Variants in DLG2 observed in about 807,000 individuals in gnomAD.
DLG2 encodes the protein disks large homolog 2.
DLG2 carries 45 observed loss-of-function variants against 132.5 expected under a neutral mutation model. That is an observed-to-expected ratio of 0.34 (90% CI 0.27 to 0.44). The LOEUF (loss-of-function observed/expected upper bound fraction) is 0.44, where lower values mean the gene tolerates loss of function less well. Among genes scored for constraint, DLG2 ranks in the 20% least tolerant of loss-of-function variants. The pLI, the probability that DLG2 is intolerant of heterozygous loss-of-function variation, is 1.00. For missense variants in DLG2, 1,045 were observed against 1,196.9 expected (o/e 0.87, Z 1.87); for synonymous variants, 424 against 419.6 (o/e 1.01, Z -0.13).
chr11:84,297,748 C>A (rs2098110673), intron 7 of DLG2, among the ~76,000 whole-genome samples: 1 of 152,056 alleles, frequency 6.6e-6, no homozygotes, highest in African/African-American at 2.4e-5. Flanking sequence ...CCCCAGTCTA[C>A]CTGACCCAGC....
At chr11:83,485,559 ACT>A (rs1411824815) in intron 21 of DLG2, among the ~76,000 whole-genome samples, 1 of 152,154 alleles carries the variant, frequency 6.6e-6, no homozygotes, top group Non-Finnish European at 1.5e-5. Flanking sequence ...GGTGCCAAAG[ACT>A]CTGAAGGCAA....
At chr11:84,213,064 G>A (rs1289686961) in intron 8 of DLG2, among the ~76,000 whole-genome samples, 1 of 152,150 alleles carries the variant, frequency 6.6e-6, no homozygotes, top group Non-Finnish European at 1.5e-5. Flanking sequence ...TTCAGGAGGA[G>A]CTGCTTACAC....
intron 9 of DLG2, among the ~76,000 whole-genome samples, chr11:84,151,081 T>C (rs2095278018): frequency 6.6e-6 from 1 of 152,096 alleles, no homozygotes; most frequent in Admixed American, 6.5e-5. Context: ...TTTTTTGCTG[T>C]GTATCTGCCA....
intron 19 of DLG2, among the ~76,000 whole-genome samples, chr11:83,603,648 A>T (rs894311097): frequency 2.0e-5 from 3 of 148,280 alleles, no homozygotes; most frequent in Non-Finnish European, 1.5e-5. Flanking sequence ...CTAACACTTG[A>T]ATCAACTGGA....
intron 6 of DLG2, among the ~76,000 whole-genome samples, chr11:84,963,516 C>T (rs549612015): frequency 1.3e-5 from 2 of 152,188 alleles, no homozygotes; most frequent in African/African-American, 4.8e-5. Flanking sequence ...CAGAGACAGC[C>T]TACATTATTA....
intron 4 of DLG2, among the ~76,000 whole-genome samples, chr11:85,189,947 C>T (rs1186432576): frequency 6.6e-6 from 1 of 152,072 alleles, no homozygotes; most frequent in Non-Finnish European, 1.5e-5. Context: ...AGATGTGAGC[C>T]ACCTTGACTG....
intron 6 of DLG2, among the ~76,000 whole-genome samples, chr11:84,969,369 T>A (rs560772659): frequency 1.3e-5 from 2 of 152,292 alleles, no homozygotes; most frequent in South Asian, 4.1e-4. Context: ...TTCCTACCAC[T>A]GAATCCTGGC....
chr11:84,059,505 C>A, intron 10 of DLG2, 21 bp from the exon 11 acceptor site: 1 of 1,536,756 alleles, frequency 6.5e-7, no homozygotes, highest in South Asian at 1.3e-5. Flanking sequence ...GGAAAAGAGT[C>A]AAGATTCAGA....
intron 3 of DLG2, among the ~76,000 whole-genome samples, chr11:85,505,173 C>T (rs530427703): frequency 1.3e-5 from 2 of 152,166 alleles, no homozygotes; most frequent in Non-Finnish European, 2.9e-5. Context: ...CAAACAGGAA[C>T]AATTTGACTT....
intron 11 of DLG2, among the ~76,000 whole-genome samples, chr11:83,989,684 T>C (rs547909634): frequency 4.6e-5 from 7 of 152,272 alleles, no homozygotes; most frequent in East Asian, 1.9e-4. Context: ...TCCTGAGTTA[T>C]GTCACACAGG....
intron 22 of DLG2, among the ~76,000 whole-genome samples, chr11:83,476,359 C>G (rs2092616804): frequency 6.6e-6 from 1 of 152,072 alleles, no homozygotes; most frequent in Non-Finnish European, 1.5e-5. Context: ...CCTTAGAATA[C>G]TTTTCATTAC....
At chr11:83,970,197 T>C (rs2091049385) in intron 12 of DLG2, among the ~76,000 whole-genome samples, 1 of 152,202 alleles carries the variant, frequency 6.6e-6, no homozygotes, top group Non-Finnish European at 1.5e-5. Context: ...CATTAGATTA[T>C]CAGTGAAAGA....
At chr11:83,952,224 C>T (rs1037349057) in intron 14 of DLG2, among the ~76,000 whole-genome samples, 1 of 152,002 alleles carries the variant, frequency 6.6e-6, no homozygotes, top group Non-Finnish European at 1.5e-5. Flanking sequence ...CATATGCCTG[C>T]TATCCCAACT....
intron 3 of DLG2, among the ~76,000 whole-genome samples, chr11:85,426,124 A>G (rs2090709842): frequency 6.6e-6 from 1 of 152,212 alleles, no homozygotes; most frequent in Non-Finnish European, 1.5e-5. Context: ...TTGAGTAGGT[A>G]AACAAAGCAG....
chr11:84,722,794 C>G (rs945744517), intron 6 of DLG2, among the ~76,000 whole-genome samples: 7 of 152,158 alleles, frequency 4.6e-5, no homozygotes, highest in Non-Finnish European at 1.0e-4. Context: ...GCAGCCATGC[C>G]TAAGGTTTTG....
chr11:84,206,241 T>C (rs954529197), intron 8 of DLG2, among the ~76,000 whole-genome samples: 7 of 152,108 alleles, frequency 4.6e-5, no homozygotes, highest in Admixed American at 4.6e-4. Context: ...GTTGAAAACA[T>C]TGAATGTGAA....
intron 3 of DLG2, among the ~76,000 whole-genome samples, chr11:85,484,367 A>G (rs373921735): frequency 6.6e-6 from 1 of 150,960 alleles, no homozygotes; most frequent in African/African-American, 2.5e-5. Flanking sequence ...TAATTAAACT[A>G]AAGAGCTTCT....
chr11:85,231,278 A>C (rs1406392296), intron 4 of DLG2, among the ~76,000 whole-genome samples: 1 of 151,948 alleles, frequency 6.6e-6, no homozygotes, highest in Admixed American at 6.6e-5. Context: ...TGTGGATAGT[A>C]TATTTTGCAC....
intron 6 of DLG2, among the ~76,000 whole-genome samples, chr11:85,087,122 T>C (rs1196832524): frequency 6.6e-6 from 1 of 152,214 alleles, no homozygotes; most frequent in East Asian, 1.9e-4. Context: ...CCTCAGGCAT[T>C]ATGCTAGGTA....
Sources: allele counts gnomAD v4.1 joint callset (sites outside exome capture counted in the v4.1 genomes callset), GRCh38; gene constraint gnomAD v4.1.1; transcripts MANE v1.5; gene names NCBI Gene and HGNC (gene_info 2026-07-23, HGNC 2026-07-21).